The following PGLYRP1 variants were observed in gnomAD, a reference collection of about 807,000 sequenced individuals.
PGLYRP1 encodes the protein TNF superfamily, member 3 (LTB)-like (peptidoglycan recognition protein).
PGLYRP1 carries 18 observed loss-of-function variants against 16.3 expected under a neutral mutation model. That is an observed-to-expected ratio of 1.11 (90% CI 0.77 to 1.64). The LOEUF (loss-of-function observed/expected upper bound fraction) is 1.64. Ranked by LOEUF, PGLYRP1 falls within the 40% of genes most tolerant of loss-of-function variation. PGLYRP1 has a pLI of 0.00. For missense variants in PGLYRP1, 261 were observed against 268.6 expected, an observed-to-expected ratio of 0.97 and a Z score of 0.20; for synonymous variants, 89 against 105.7, an observed-to-expected ratio of 0.84 and a Z score of 0.97.
intron 1 of PGLYRP1, among the ~76,000 whole-genome samples, chr19:46,020,369 C>G (rs1254296373): frequency 1.3e-5 from 2 of 152,116 alleles, no homozygotes; most frequent in Non-Finnish European, 2.9e-5. Context: ...TTTGGCCTCC[C>G]AAAGTGCTGG....
At chr19:46,021,213 C>T (rs2041992) in intron 1 of PGLYRP1, 55,263 of 152,066 alleles carry the variant, frequency 0.36, 10,586 homozygotes, top group South Asian at 0.49. Context: ...GATGTGGACC[C>T]GAGGCTCGGG....
intron 1 of PGLYRP1, among the ~76,000 whole-genome samples, chr19:46,021,830 CCA>C (rs1406519327): frequency 6.6e-6 from 1 of 152,194 alleles, no homozygotes. Context: ...CTGTGTTCAG[CCA>C]CCCTGTCCTT....
intron 1 of PGLYRP1, among the ~76,000 whole-genome samples, chr19:46,021,795 T>C (rs1969047204): frequency 6.6e-6 from 1 of 152,110 alleles, no homozygotes; most frequent in African/African-American, 2.4e-5. Context: ...TCCTGCCCTT[T>C]CCTCATTTCA....
chr19:46,019,793 A>G lies in PGLYRP1; in HGVS notation c.288-146T>C, dbSNP rs965879525. Reference sequence around the variant, plus strand: ...CCTTCTCACCCGTTAATTTCCCACGATAGTAACAATGACTGTGGTCATTTA... The same window carrying G: ...CCTTCTCACCCGTTAATTTCCCACGGTAGTAACAATGACTGTGGTCATTTA... On this transcript the variant is annotated intron_variant, in intron 1 of 2. Coordinates refer to ENST00000008938, the MANE Select transcript of PGLYRP1 (RefSeq NM_005091.3). This position sits in a 1 kb window ranked among gnomAD's most constrained non-coding sequence, Gnocchi z 4.8. 2.4e-6 allele frequency: 2 copies of G among 843,198 alleles called. No homozygotes were observed. Among genetic ancestry groups the G allele is most frequent in the African/African-American group, 3.4e-5 (2 of 58,324 alleles). The allele number at this position is 843,198 out of a possible 1,614,324, so 52.2% of individuals were successfully genotyped here. A position where few individuals can be genotyped will look rare whatever the true frequency, so the allele number is the denominator to read the frequency against.
chr19:46,022,637 C>T, intron 1 of PGLYRP1, 98 bp downstream of exon 1: 1 of 1,375,060 alleles, frequency 7.3e-7, no homozygotes, highest in Non-Finnish European at 1.0e-6. Flanking sequence ...AGCCAGGTGG[C>T]CTCAGCACCA....
chr19:46,022,241 G>A (rs1969051918), intron 1 of PGLYRP1, among the ~76,000 whole-genome samples: 1 of 152,204 alleles, frequency 6.6e-6, no homozygotes, highest in Non-Finnish European at 1.5e-5. Flanking sequence ...TGCTTTGCCT[G>A]TATTGGCTCA....
chr19:46,021,834 C>CGG (rs1568701717), intron 1 of PGLYRP1, among the ~76,000 whole-genome samples: 1 of 152,208 alleles, frequency 6.6e-6, no homozygotes. Flanking sequence ...GTTCAGCCAC[C>CGG]CTGTCCTTCC....
intron 1 of PGLYRP1, 71 bp downstream of exon 1, chr19:46,022,664 C>CG (rs1969057564): frequency 4.5e-6 from 7 of 1,567,674 alleles, no homozygotes; most frequent in Non-Finnish European, 6.1e-6. Context: ...GAAATGGTCC[C>CG]GCTGGCGGGC....
chr19:46,022,922 C>T lies in PGLYRP1; in HGVS notation c.100G>A (p.Val34Met). ...TEDPACCSPI[V>M]PRNEWKALAS... ...AGGGCCTTCCACTCGTTCCGGGGCA[C>T]TATGGGGCTGCAGCAGGCCGGGTCT... Residue 34 changes from valine to methionine, a missense_variant, in exon 1 of 3, where the codon GTG becomes ATG. Transcript: ENST00000008938. 1 of 1,611,550 alleles carries T rather than the reference C, an allele frequency of 6.2e-7. No homozygotes were observed. Among genetic ancestry groups the T allele is most frequent in the South Asian group, 1.1e-5 (1 of 90,642 alleles).
At position 46,022,826 on chromosome 19, in the gene PGLYRP1, T is replaced by G. The variant is rs1186325751; in HGVS notation, c.196A>C (p.Ser66Arg). Residue 66 changes from serine to arginine, a missense_variant, in exon 1 of 3, where the codon AGC becomes CGC. Coordinates refer to ENST00000008938, the MANE Select transcript of PGLYRP1 (RefSeq NM_005091.3). ...YVVVSHTAGSSCNTPASCQQQ... is the reference protein window; with the variant it reads ...YVVVSHTAGSRCNTPASCQQQ... ...TGGCACGAGGCGGGGGTGTTGCAGC[T>G]GCTGCCCGCCGTGTGCGATACCACC... The G allele has an allele frequency of 6.2e-7, 1 of 1,613,722 alleles. No individual in the cohort carries two copies. The highest frequency in any genetic ancestry group is 8.5e-7 in the Non-Finnish European group (1 of 1,179,900).
Position 46,019,485 on chromosome 19 carries a change from C to T in PGLYRP1, c.409+41G>A. On this transcript the variant is annotated intron_variant, in intron 2 of 2. Coordinates refer to ENST00000008938, the MANE Select transcript of PGLYRP1 (RefSeq NM_005091.3). The surrounding 1 kb of genome is among the most constrained non-coding windows in gnomAD (Gnocchi z 4.8). ...GAAGGGGAAGTGATAGCGTAGGGCC[C>T]CGTGTCAGCCCCCATCCCAACTGGC... is the stretch of plus-strand genomic sequence containing the variant. 1.2e-6 allele frequency: 2 copies of T among 1,612,848 alleles called. No individual in the cohort carries two copies. The highest frequency in any genetic ancestry group is 1.7e-6 in the Non-Finnish European group (2 of 1,179,258).
In PGLYRP1 at chr19:46,019,317, C is replaced by T. The variant is rs772028882; in HGVS notation, c.512G>A (p.Arg171Gln). Residue 171 changes from arginine (R) to glutamine (Q), a missense_variant, in exon 3 of 3, where the codon CGG becomes CAG. Physicochemically the swap from Arg to Gln is conservative, Grantham distance 43. Coordinates refer to ENST00000008938, the MANE Select transcript of PGLYRP1 (RefSeq NM_005091.3). This position sits in a 1 kb window ranked among gnomAD's most constrained non-coding sequence, Gnocchi z 4.8. ...LRSNYVLKGH[R>Q]DVQRTLSPGN... Reference sequence around the variant, plus strand: ...TGGAGAGAGTGTACGCTGCACATCCCGGTGTCCTTTGAGCACATAGTTGGA... The same window carrying T: ...TGGAGAGAGTGTACGCTGCACATCCTGGTGTCCTTTGAGCACATAGTTGGA... 2.2e-5 allele frequency: 36 copies of T among 1,613,720 alleles called. No homozygotes were observed. Among genetic ancestry groups the T allele is most frequent in the Admixed American group, 1.8e-4 (11 of 59,986 alleles).
At position 46,019,697 on chromosome 19, in the gene PGLYRP1, G is replaced by C; in HGVS notation, c.288-50C>G. 6.3e-7 allele frequency: 1 copy of C among 1,582,516 alleles called. No homozygotes were observed. Among genetic ancestry groups the C allele is most frequent in the Non-Finnish European group, 8.6e-7 (1 of 1,166,338 alleles). ...GATGAGTGAGGGAGGGTTTCCCGAG[G>C]AGGACTCCTCCTCCTTCCTCCACTC... On this transcript the variant is annotated intron_variant, in intron 1 of 2. Coordinates refer to ENST00000008938, the MANE Select transcript of PGLYRP1 (RefSeq NM_005091.3). The surrounding 1 kb of genome is among the most constrained non-coding windows in gnomAD (Gnocchi z 4.8).
In PGLYRP1 at chr19:46,022,810, G is replaced by A; in HGVS notation, c.212C>T (p.Ala71Val). ...ATTCCGGGCCTGCTGCTGGCACGAGGCGGGGGTGTTGCAGCTGCTGCCCGC... is the reference window on the plus strand; with the variant it reads ...ATTCCGGGCCTGCTGCTGGCACGAGACGGGGGTGTTGCAGCTGCTGCCCGC... Reference protein sequence around the residue: ...HTAGSSCNTPASCQQQARNVQ... With the variant: ...HTAGSSCNTPVSCQQQARNVQ... Residue 71 changes from alanine (A) to valine (V), a missense_variant, in exon 1 of 3, where the codon GCC (alanine) becomes GTC (valine). By Grantham distance (64) the Ala-to-Val change is moderately conservative. Coordinates refer to ENST00000008938, the MANE Select transcript of PGLYRP1 (RefSeq NM_005091.3). 1 of 1,614,074 alleles carries A rather than the reference G, an allele frequency of 6.2e-7. No homozygotes were observed. Among genetic ancestry groups the A allele is most frequent in the South Asian group, 1.1e-5 (1 of 91,072 alleles).
chr19:46,023,030 G>C lies in PGLYRP1; in HGVS notation c.-9C>G, dbSNP rs772166614. The C allele has an allele frequency of 6.6e-7, 1 of 1,521,650 alleles. No homozygotes were observed. Among genetic ancestry groups the C allele is most frequent in the South Asian group, 1.3e-5 (1 of 78,010 alleles). 94.3% of individuals were successfully genotyped at this position (1,521,650 alleles called of 1,614,324 possible). ...ATAGAGCGGCGGGACATAGTGGCAG[G>C]GCGGCAGGGTCCGGGAGACCGCTAG... On this transcript the variant is annotated 5_prime_UTR_variant, in exon 1 of 3. Coordinates refer to ENST00000008938, the MANE Select transcript of PGLYRP1 (RefSeq NM_005091.3).
At chr19:46,022,059 C>T (rs1969050300) in intron 1 of PGLYRP1, among the ~76,000 whole-genome samples, 1 of 152,236 alleles carries the variant, frequency 6.6e-6, no homozygotes, top group Admixed American at 6.5e-5. Context: ...CTATCACCGT[C>T]TGAATTCACC....
chr19:46,022,522 T>G (rs1568701970), intron 1 of PGLYRP1, among the ~76,000 whole-genome samples: 1 of 152,198 alleles, frequency 6.6e-6, no homozygotes, highest in Non-Finnish European at 1.5e-5. Flanking sequence ...TTTCAGCCCA[T>G]CCCCCCTTCT....
chr19:46,019,717 C>A lies in PGLYRP1; in HGVS notation c.288-70G>T. 1 of 1,517,418 alleles carries A rather than the reference C, an allele frequency of 6.6e-7. No homozygotes were observed. Among genetic ancestry groups the A allele is most frequent in the East Asian group, 2.3e-5 (1 of 43,700 alleles). 94.0% of individuals were successfully genotyped at this position (1,517,418 alleles called of 1,614,324 possible). A position where few individuals can be genotyped will look rare whatever the true frequency, so the allele number is the denominator to read the frequency against. ...CCGAGGAGGACTCCTCCTCCTTCCT[C>A]CACTCACCCTGCCTCCGTTACTGCC... On this transcript the variant is annotated intron_variant, in intron 1 of 2. Coordinates refer to ENST00000008938, the MANE Select transcript of PGLYRP1 (RefSeq NM_005091.3). The surrounding 1 kb of genome is among the most constrained non-coding windows in gnomAD (Gnocchi z 4.8).
In PGLYRP1 at chr19:46,019,474, A is replaced by C. The variant is rs1600659398; in HGVS notation, c.409+52T>G. ...GGGGCTTCCCCGAAGGGGAAGTGAT[A>C]GCGTAGGGCCCCGTGTCAGCCCCCA... On this transcript the variant is annotated intron_variant, in intron 2 of 2. Transcript: ENST00000008938. This position sits in a 1 kb window ranked among gnomAD's most constrained non-coding sequence, Gnocchi z 4.8. 1 of 1,611,868 alleles carries C rather than the reference A, an allele frequency of 6.2e-7. No individual in the cohort carries two copies.
Sources: allele counts gnomAD v4.1 joint callset (sites outside exome capture counted in the v4.1 genomes callset), GRCh38; gene constraint gnomAD v4.1.1; non-coding constraint Gnocchi (gnomAD v3.1); transcripts MANE v1.5; gene names NCBI Gene and HGNC (gene_info 2026-07-23, HGNC 2026-07-21).